The following PLGRKT variants were observed in gnomAD, a reference collection of about 807,000 sequenced individuals.
The protein encoded by PLGRKT is plasminogen receptor (KT).
A neutral mutation model predicts 18.5 loss-of-function variants in PLGRKT; 22 were observed. The ratio of observed to expected loss-of-function variants is 1.19; its 90% CI spans 0.85 to 1.70. PLGRKT has a LOEUF of 1.70. Ranked by LOEUF, PLGRKT falls within the 40% of genes most tolerant of loss-of-function variation. PLGRKT has a pLI of 0.00. For missense variants in PLGRKT, 235 were observed against 174.4 expected (o/e 1.35, Z -1.96); for synonymous variants, 72 against 52.8 (o/e 1.36, Z -1.58).
intron 3 of PLGRKT, 80 bp downstream of exon 3, chr9:5,431,817 G>T: frequency 1.4e-6 from 1 of 701,016 alleles, no homozygotes. Context: ...GGGAGTCAAA[G>T]AGAATGTACG....
intron 3 of PLGRKT, among the ~76,000 whole-genome samples, chr9:5,415,225 C>G (rs1006846228): frequency 1.3e-5 from 2 of 152,066 alleles, no homozygotes; most frequent in Admixed American, 6.5e-5. Flanking sequence ...GGAAGTTGGT[C>G]AAAGTCAAGG....
chr9:5,416,273 C>A (rs535160423), intron 3 of PLGRKT, among the ~76,000 whole-genome samples: 1 of 152,106 alleles, frequency 6.6e-6, no homozygotes. Context: ...AAATCCTCCT[C>A]CTCCTGCTGC....
chr9:5,405,898 A>C (rs1431639106), intron 3 of PLGRKT, among the ~76,000 whole-genome samples: 2 of 152,208 alleles, frequency 1.3e-5, no homozygotes, highest in Non-Finnish European at 2.9e-5. Context: ...CAAGGAACTT[A>C]AGAAAATTTA....
At chr9:5,417,722 G>C (rs1057490047) in intron 3 of PLGRKT, among the ~76,000 whole-genome samples, 1 of 150,216 alleles carries the variant, frequency 6.7e-6, no homozygotes, top group African/African-American at 2.5e-5. Flanking sequence ...TAATAAACAC[G>C]TAGGATCTCT....
At chr9:5,432,923 C>T (rs1221329507) in intron 2 of PLGRKT, among the ~76,000 whole-genome samples, 1 of 152,058 alleles carries the variant, frequency 6.6e-6, no homozygotes, top group Non-Finnish European at 1.5e-5. Flanking sequence ...GCCACTCCGT[C>T]TAGGAAGTGA....
chr9:5,405,358 T>C (rs933466821), intron 3 of PLGRKT, among the ~76,000 whole-genome samples: 23 of 152,196 alleles, frequency 1.5e-4, no homozygotes, highest in African/African-American at 2.7e-4. Flanking sequence ...CTTCAAACTA[T>C]ACTACAAGGT....
At chr9:5,367,233 GA>G (rs201238607) in intron 3 of PLGRKT, among the ~76,000 whole-genome samples, 2,057 of 151,508 alleles carry the variant, frequency 0.014, 57 homozygotes, top group African/African-American at 0.047. Context: ...CACAGAACTA[GA>G]AAAAAAACTT....
At chr9:5,361,555 G>A (rs924808995) in intron 4 of PLGRKT, among the ~76,000 whole-genome samples, 2 of 152,158 alleles carry the variant, frequency 1.3e-5, no homozygotes, top group African/African-American at 2.4e-5. Context: ...TAGAGAAAAA[G>A]ACAGAAGCAA....
chr9:5,431,712 C>G (rs1048419700), intron 3 of PLGRKT, among the ~76,000 whole-genome samples, 185 bp downstream of exon 3: 8 of 152,048 alleles, frequency 5.3e-5, no homozygotes, highest in Non-Finnish European at 1.0e-4. Flanking sequence ...ACAAATTTAT[C>G]TGGATTGGAG....
chr9:5,424,684 A>ATATATATATATATATATATATATATATG (rs1818657793), intron 3 of PLGRKT, among the ~76,000 whole-genome samples: 1 of 106,076 alleles, frequency 9.4e-6, no homozygotes, highest in African/African-American at 4.2e-5. Context: ...ATATATATAT[A>ATATATATATATATATATATATATATATG]TATATATACA....
intron 5 of PLGRKT, among the ~76,000 whole-genome samples, chr9:5,358,895 C>T (rs1817197977): frequency 6.6e-6 from 1 of 152,162 alleles, no homozygotes; most frequent in African/African-American, 2.4e-5. Flanking sequence ...AAGAGCTACA[C>T]AACGCAGTAA....
chr9:5,383,651 G>A (rs180917815), intron 3 of PLGRKT, among the ~76,000 whole-genome samples: 3 of 152,274 alleles, frequency 2.0e-5, no homozygotes, highest in East Asian at 3.9e-4. Context: ...CAGGTCATCA[G>A]GCATTAGATT....
intron 3 of PLGRKT, among the ~76,000 whole-genome samples, chr9:5,372,000 G>A (rs202078698): frequency 6.6e-5 from 1 of 15,212 alleles, no homozygotes; most frequent in Non-Finnish European, 1.1e-4. Flanking sequence ...TTTTTTTTTT[G>A]ATATGGAGTC....
Position 5,368,534 on chromosome 9 carries a change from G to A in PLGRKT, c.82-6646C>T, listed in dbSNP as rs573881723. Among the ~76,000 whole-genome samples, 4 of 152,222 alleles carry A rather than the reference G, an allele frequency of 2.6e-5. No homozygotes were observed. In the South Asian group the frequency reaches 8.3e-4, roughly 32 times the overall value. On this transcript the variant is annotated intron_variant, in intron 3 of 5. Transcript: ENST00000223864. ...CTTGTAAGTGGCAGCTAAGCACTGG[G>A]TAACTATAGACATAAAGATGGCAAC...
At chr9:5,426,825 T>C (rs1818711006) in intron 3 of PLGRKT, among the ~76,000 whole-genome samples, 1 of 152,140 alleles carries the variant, frequency 6.6e-6, no homozygotes, top group Admixed American at 6.6e-5. Flanking sequence ...ATGATGAAAA[T>C]GATAGAGTCC....
At chr9:5,382,407 G>A (rs575074340) in intron 3 of PLGRKT, among the ~76,000 whole-genome samples, 1 of 152,332 alleles carries the variant, frequency 6.6e-6, no homozygotes, top group African/African-American at 2.4e-5. Flanking sequence ...ATCTATAGGA[G>A]TTAGCCAGGT....
At chr9:5,423,430 C>T (rs1301429748) in intron 3 of PLGRKT, among the ~76,000 whole-genome samples, 1 of 152,176 alleles carries the variant, frequency 6.6e-6, no homozygotes, top group African/African-American at 2.4e-5. Flanking sequence ...GGTAAGATTT[C>T]ACAGAAAACT....
chr9:5,387,015 G>A (rs1264540593), intron 3 of PLGRKT, among the ~76,000 whole-genome samples: 2 of 151,906 alleles, frequency 1.3e-5, no homozygotes, highest in Non-Finnish European at 2.9e-5. Context: ...ATGGCAAACG[G>A]ACAGACTGCC....
intron 3 of PLGRKT, among the ~76,000 whole-genome samples, chr9:5,427,471 A>G (rs1329474108): frequency 6.6e-6 from 1 of 151,908 alleles, no homozygotes; most frequent in Non-Finnish European, 1.5e-5. Flanking sequence ...ATATTTTAAG[A>G]AGGAGAGAAC....
Sources: gnomAD v4.1 joint callset for allele counts (sites outside exome capture counted in the v4.1 genomes callset) on GRCh38, gnomAD v4.1.1 for gene constraint, MANE v1.5 for transcripts, NCBI Gene and HGNC (gene_info 2026-07-23, HGNC 2026-07-21) for gene names.